The following FARP1 variants were observed in gnomAD, a reference collection of about 807,000 sequenced individuals.
FARP1 encodes the protein FERM, ARH/RhoGEF and pleckstrin domain protein 1.
Under a neutral mutation model 128.8 loss-of-function variants are expected in FARP1, and 52 were observed. The ratio of observed to expected loss-of-function variants is 0.40; its 90% CI spans 0.32 to 0.51. FARP1 has a LOEUF of 0.51. Among genes scored for constraint, FARP1 ranks in the 20% least tolerant of loss-of-function variants. FARP1 has a pLI of 0.45. For synonymous variants in FARP1, 580 were observed against 551.8 expected (o/e 1.05, Z -0.72); for missense variants, 1,333 against 1,367.9 (o/e 0.97, Z 0.40).
At chr13:98,409,246 T>TA (rs1471615321) in intron 13 of FARP1, 92 bp from the exon 14 acceptor site, 5 of 1,047,910 alleles carry the variant, frequency 4.8e-6, no homozygotes, top group African/African-American at 3.2e-5. Flanking sequence ...AGTCAAATCT[T>TA]ACGATTTGAA....
intron 4 of FARP1, 137 bp downstream of exon 4, chr13:98,365,574 C>T: frequency 3.6e-6 from 2 of 562,562 alleles, no homozygotes; most frequent in Non-Finnish European, 6.3e-6. Context: ...TCATCATCGA[C>T]TAATCCGTGT....
At chr13:98,318,508 C>A (rs538208053) in intron 2 of FARP1, among the ~76,000 whole-genome samples, 1 of 152,328 alleles carries the variant, frequency 6.6e-6, no homozygotes, top group South Asian at 2.1e-4. Context: ...ACAGTTTAGT[C>A]CATAGCAGTG....
At chr13:98,414,473 G>A (rs915665323) in intron 16 of FARP1, among the ~76,000 whole-genome samples, 12 of 152,186 alleles carry the variant, frequency 7.9e-5, no homozygotes, top group African/African-American at 2.9e-4. Context: ...GAAAAAGGCT[G>A]AGTGTGAATG....
intron 24 of FARP1, among the ~76,000 whole-genome samples, chr13:98,444,220 T>G (rs543495307): frequency 6.6e-6 from 1 of 152,134 alleles, no homozygotes; most frequent in African/African-American, 2.4e-5. Flanking sequence ...CGGCTCGTGC[T>G]GGGCTTAGGG....
chr13:98,383,951 C>T (rs1211922470), intron 6 of FARP1: 1 of 152,198 alleles, frequency 6.6e-6, no homozygotes. Context: ...TTTGCACCCA[C>T]TGACGTTCCT....
intron 6 of FARP1, among the ~76,000 whole-genome samples, chr13:98,379,931 T>A (rs1265950172): frequency 6.6e-6 from 1 of 152,150 alleles, no homozygotes; most frequent in East Asian, 1.9e-4. Flanking sequence ...TCAGTAAACA[T>A]TAATTTCCTT....
intron 2 of FARP1, among the ~76,000 whole-genome samples, chr13:98,320,127 C>T (rs1435982767): frequency 1.3e-5 from 2 of 152,194 alleles, no homozygotes; most frequent in Non-Finnish European, 2.9e-5. Context: ...TTCCCTTCAT[C>T]TGCAGACCTG....
intron 2 of FARP1, among the ~76,000 whole-genome samples, chr13:98,260,433 C>T (rs1883822291): frequency 6.6e-6 from 1 of 152,218 alleles, no homozygotes; most frequent in South Asian, 2.1e-4. Flanking sequence ...TAGTCAGCTT[C>T]ATCCTCACTG....
At chr13:98,352,892 A>C (rs1000458458) in intron 3 of FARP1, among the ~76,000 whole-genome samples, 1 of 152,190 alleles carries the variant, frequency 6.6e-6, no homozygotes, top group African/African-American at 2.4e-5. Flanking sequence ...TAGATTAAAC[A>C]ATATAAACTC....
intron 1 of FARP1, among the ~76,000 whole-genome samples, chr13:98,151,666 T>C (rs1216323456): frequency 9.1e-6 from 1 of 109,478 alleles, no homozygotes; most frequent in African/African-American, 3.1e-5. Context: ...CCATCTTTTT[T>C]TTTTTTTTTT....
At position 98,176,248 on chromosome 13, in the gene FARP1, T is replaced by TG. The variant is rs1222822390; in HGVS notation, c.-24+32761dup. The stretch of plus-strand genomic sequence containing the variant: ...CTAAGCCATGGGAATTGGACACTCA[T>TG]GGGGGTCTTCTGTGAAATGGGACTT... On this transcript the variant is annotated intron_variant, in intron 1 of 26. Coordinates refer to ENST00000319562, the MANE Select transcript of FARP1 (RefSeq NM_005766.4). The surrounding 1 kb of genome is among the most constrained non-coding windows in gnomAD (Gnocchi z 6.2). 2.5e-6 allele frequency: 4 copies of TG among 1,608,020 alleles called. No individual in the cohort carries two copies. Among genetic ancestry groups the TG allele is most frequent in the East Asian group, 4.5e-5 (2 of 44,874 alleles).
At chr13:98,323,678 C>G (rs1887105271) in intron 2 of FARP1, among the ~76,000 whole-genome samples, 1 of 151,990 alleles carries the variant, frequency 6.6e-6, no homozygotes, top group Non-Finnish European at 1.5e-5. Flanking sequence ...TGGTCATTAA[C>G]TTTTTACTTT....
chr13:98,391,121 C>T (rs541969801), intron 11 of FARP1, among the ~76,000 whole-genome samples: 1 of 152,054 alleles, frequency 6.6e-6, no homozygotes, highest in Non-Finnish European at 1.5e-5. Flanking sequence ...CGGGAGAGGA[C>T]ATACTGGGGA....
chr13:98,232,206 T>C (rs1882172325), intron 2 of FARP1, among the ~76,000 whole-genome samples: 1 of 150,762 alleles, frequency 6.6e-6, no homozygotes, highest in African/African-American at 2.5e-5. Context: ...TGTTTTTAAT[T>C]CACTTAGTCT....
At chr13:98,364,220 A>G (rs564157109) in intron 3 of FARP1, among the ~76,000 whole-genome samples, 18 of 152,338 alleles carry the variant, frequency 1.2e-4, no homozygotes, top group African/African-American at 4.3e-4. Context: ...TTTAGGGCTT[A>G]GGTCCTGATT....
chr13:98,358,143 T>A (rs1460336721), intron 3 of FARP1, among the ~76,000 whole-genome samples: 7 of 151,548 alleles, frequency 4.6e-5, no homozygotes, highest in African/African-American at 1.7e-4. Flanking sequence ...CTCTCCTAAG[T>A]TTTTTTTGGG....
chr13:98,442,285 G>A (rs1892556214), intron 24 of FARP1, among the ~76,000 whole-genome samples: 1 of 152,242 alleles, frequency 6.6e-6, no homozygotes, highest in Admixed American at 6.5e-5. Context: ...CAGCAGGAAT[G>A]AGCCAGCAGT....
chr13:98,407,485 T>C (rs1036608871), intron 13 of FARP1: 1 of 152,202 alleles, frequency 6.6e-6, no homozygotes, highest in African/African-American at 2.4e-5. Context: ...AATTGACATT[T>C]GTGAAGCAAT....
chr13:98,438,771 C>T (rs1209531859), intron 19 of FARP1, 33 bp from the exon 20 acceptor site: 5 of 1,600,696 alleles, frequency 3.1e-6, no homozygotes, highest in African/African-American at 1.3e-5. Flanking sequence ...TCCGCACGCT[C>T]GCAGCCAGCC....
Sources: allele counts gnomAD v4.1 joint callset (sites outside exome capture counted in the v4.1 genomes callset), GRCh38; gene constraint gnomAD v4.1.1; non-coding constraint Gnocchi (gnomAD v3.1); transcripts MANE v1.5; gene names NCBI Gene and HGNC (gene_info 2026-07-23, HGNC 2026-07-21).